Variants in CDH12 observed in about 807,000 individuals in gnomAD.
CDH12 encodes cadherin 12, also known as cadherin-12.
A neutral mutation model predicts 74.1 loss-of-function variants in CDH12; 41 were observed. The observed-to-expected ratio is 0.55, with a 90% CI of 0.43 to 0.72. The LOEUF is 0.72. Ranked by LOEUF, CDH12 falls within the 30% of genes least tolerant of loss-of-function variation. The pLI is 0.00. For missense variants in CDH12, 945 were observed against 977.2 expected (o/e 0.97, Z 0.44); for synonymous variants, 399 against 355.0 (o/e 1.12, Z -1.39).
At chr5:21,909,846 T>A (rs780392378) in intron 6 of CDH12, among the ~76,000 whole-genome samples, 6 of 152,182 alleles carry the variant, frequency 3.9e-5, no homozygotes, top group Non-Finnish European at 7.3e-5. Context: ...ATTTTGTCAC[T>A]CATTGATTAT....
chr5:22,806,462 C>G (rs538878732), intron 1 of CDH12, among the ~76,000 whole-genome samples: 1 of 151,554 alleles, frequency 6.6e-6, no homozygotes, highest in South Asian at 2.1e-4. Flanking sequence ...ACGCCATTCT[C>G]CTGCCTCAGC....
intron 2 of CDH12, among the ~76,000 whole-genome samples, chr5:22,489,948 G>A (rs1341804273): frequency 6.6e-6 from 1 of 152,036 alleles, no homozygotes; most frequent in Non-Finnish European, 1.5e-5. Context: ...CCAAAGTGCT[G>A]GGATTACAGG....
chr5:22,435,853 G>A (rs1226721652), intron 2 of CDH12, among the ~76,000 whole-genome samples: 1 of 151,908 alleles, frequency 6.6e-6, no homozygotes, highest in Non-Finnish European at 1.5e-5. Context: ...CCCAGGAGCT[G>A]ACTTAGCCCA....
At chr5:22,807,374 C>T (rs962657057) in intron 1 of CDH12, among the ~76,000 whole-genome samples, 1 of 152,072 alleles carries the variant, frequency 6.6e-6, no homozygotes, top group Admixed American at 6.5e-5. Context: ...CATTTTTAGA[C>T]TATTAATCCG....
chr5:22,297,601 C>A (rs914091260), intron 3 of CDH12, among the ~76,000 whole-genome samples: 1 of 152,178 alleles, frequency 6.6e-6, no homozygotes, highest in Non-Finnish European at 1.5e-5. Context: ...GCTTCTAAAT[C>A]TAATTTACAA....
Position 22,059,363 on chromosome 5 carries a change from CT to C in CDH12, c.231+19082del, listed in dbSNP as rs11341095. 1.4e-3 allele frequency among the ~76,000 whole-genome samples: 183 copies of C among 132,324 alleles called. 1 individual carries two copies. Among genetic ancestry groups the C allele is most frequent in the African/African-American group, 6.2e-3 (157 of 25,214 alleles). The allele number at this position is 132,324 out of a possible 152,430, so 86.8% of individuals were successfully genotyped here. A position where few individuals can be genotyped will look rare whatever the true frequency, so the allele number is the denominator to read the frequency against. ...TCTATCTATCTATCTATCTATCTAT[CT>C]ATCTATCTATCTATCTATCTATCTA... On this transcript the variant is annotated intron_variant, in intron 5 of 14. Coordinates refer to ENST00000382254, the MANE Select transcript of CDH12 (RefSeq NM_004061.5).
intron 5 of CDH12, among the ~76,000 whole-genome samples, chr5:21,984,392 A>G (rs1364220416): frequency 6.6e-6 from 1 of 152,150 alleles, no homozygotes; most frequent in East Asian, 1.9e-4. Context: ...TGTATATAGA[A>G]TATTAGTTCA....
intron 1 of CDH12, among the ~76,000 whole-genome samples, chr5:22,657,515 C>T (rs776456469): frequency 1.3e-5 from 2 of 152,222 alleles, no homozygotes; most frequent in Non-Finnish European, 2.9e-5. Flanking sequence ...TTACTTACTA[C>T]TGAAGCCCTC....
At chr5:22,584,371 A>T (rs558710375) in intron 1 of CDH12, among the ~76,000 whole-genome samples, 7 of 152,284 alleles carry the variant, frequency 4.6e-5, no homozygotes, top group Admixed American at 3.3e-4. Flanking sequence ...AAGTGCTGGG[A>T]TTATAGGTGT....
intron 5 of CDH12, among the ~76,000 whole-genome samples, chr5:21,981,148 A>T (rs1364892855): frequency 6.6e-6 from 1 of 152,114 alleles, no homozygotes; most frequent in Non-Finnish European, 1.5e-5. Context: ...TTGACTTCCA[A>T]ACTGCATACC....
chr5:22,575,647 G>A (rs954284655), intron 1 of CDH12, among the ~76,000 whole-genome samples: 8 of 151,906 alleles, frequency 5.3e-5, no homozygotes, highest in Non-Finnish European at 7.4e-5. Context: ...TCACTACAAC[G>A]TCTGCCTCCT....
At chr5:21,879,856 G>A (rs375269679) in intron 6 of CDH12, among the ~76,000 whole-genome samples, 6 of 152,274 alleles carry the variant, frequency 3.9e-5, no homozygotes, top group Non-Finnish European at 1.5e-5. Flanking sequence ...AATTCTTCAG[G>A]ATCACAAGAG....
intron 2 of CDH12, among the ~76,000 whole-genome samples, chr5:22,439,479 A>G (rs2126538473): frequency 6.6e-6 from 1 of 152,238 alleles, no homozygotes; most frequent in East Asian, 1.9e-4. Flanking sequence ...AACATGTTTG[A>G]TATTTCAAGA....
At chr5:21,781,902 T>A (rs1745936671) in intron 11 of CDH12, among the ~76,000 whole-genome samples, 1 of 152,208 alleles carries the variant, frequency 6.6e-6, no homozygotes. Flanking sequence ...TCTGTTCCCA[T>A]GTATCAGCAG....
At chr5:21,827,221 C>T (rs943072935) in intron 8 of CDH12, among the ~76,000 whole-genome samples, 9 of 152,118 alleles carry the variant, frequency 5.9e-5, no homozygotes, top group Admixed American at 4.6e-4. Context: ...CAAATAGATA[C>T]AATATTTGGT....
At chr5:21,932,774 A>C (rs1754901704) in intron 6 of CDH12, among the ~76,000 whole-genome samples, 1 of 151,048 alleles carries the variant, frequency 6.6e-6, no homozygotes, top group East Asian at 1.9e-4. Context: ...TGGCACATGC[A>C]TGTAGTCCCA....
intron 6 of CDH12, among the ~76,000 whole-genome samples, chr5:21,928,798 T>C (rs2150078838): frequency 6.6e-6 from 1 of 152,296 alleles, no homozygotes; most frequent in African/African-American, 2.4e-5. Context: ...TTACAAGTCT[T>C]TTGGCTAATC....
At chr5:22,675,641 AG>A (rs1741126954) in intron 1 of CDH12, among the ~76,000 whole-genome samples, 1 of 151,856 alleles carries the variant, frequency 6.6e-6, no homozygotes, top group Non-Finnish European at 1.5e-5. Flanking sequence ...AGGAGGGGCC[AG>A]GGGAGTTTCC....
intron 5 of CDH12, among the ~76,000 whole-genome samples, chr5:22,020,554 CAA>C (rs113531853): frequency 0.028 from 3,202 of 114,184 alleles, 112 homozygotes; most frequent in African/African-American, 0.087. Context: ...GACTTCGTTT[CAA>C]AAAAAAAAAA....
Sources: gnomAD v4.1 joint callset for allele counts (sites outside exome capture counted in the v4.1 genomes callset) on GRCh38, gnomAD v4.1.1 for gene constraint, MANE v1.5 for transcripts, NCBI Gene and HGNC (gene_info 2026-07-23, HGNC 2026-07-21) for gene names.